Variants in JPH3 observed in about 807,000 individuals in gnomAD.
The protein encoded by JPH3 is junctophilin-3.
In JPH3, 11 loss-of-function variants were observed where a neutral mutation model predicts 59.6. That is an observed-to-expected ratio of 0.18 (90% confidence interval 0.12 to 0.31). JPH3 has a LOEUF of 0.31. Ranked by LOEUF, JPH3 falls within the 10% of genes least tolerant of loss-of-function variation. JPH3 has a pLI of 1.00. For missense variants in JPH3, 1,202 were observed against 1,105.7 expected (o/e 1.09, Z -1.24); for synonymous variants, 673 against 483.6 (o/e 1.39, Z -5.14).
Position 87,689,815 on chromosome 16 carries a change from G to T in JPH3, c.1455G>T (p.Ala485=), listed in dbSNP as rs1243684448. 1.9e-6 allele frequency: 3 copies of T among 1,577,690 alleles called. No individual in the cohort carries two copies. The highest frequency in any genetic ancestry group is 2.6e-6 in the Non-Finnish European group (3 of 1,162,440). Residue 485 remains alanine, a synonymous_variant, in exon 4 of 5, where the codon GCG becomes GCT. Transcript: ENST00000284262. ...TGCAGAGCTTCCCCACCAGCCCCGC[G>T]GCCACCCCGCCGCCCGCGCCCGCCG... ...SPLQSFPTSP[A]ATPPPAPAAR...
At chr16:87,610,319 A>G (rs541850674) in intron 1 of JPH3, among the ~76,000 whole-genome samples, 50 of 152,212 alleles carry the variant, frequency 3.3e-4, no homozygotes, top group Admixed American at 1.7e-3. Context: ...ACCTGGGACT[A>G]GTCGCCACCA....
At position 87,644,600 on chromosome 16, in the gene JPH3, G is replaced by A. The variant is rs1403180838; in HGVS notation, c.725G>A (p.Ser242Asn). Residue 242 changes from serine (S) to asparagine (N), a missense_variant, in exon 2 of 5, where the codon AGC becomes AAC. By Grantham distance (46) the Ser-to-Asn change is conservative. Coordinates refer to ENST00000284262, the MANE Select transcript of JPH3 (RefSeq NM_020655.4). ...CTGGCCAGCCAACGCAGCAAGCAGA[G>A]CTCCTTTCGCAGCGAGGCGGGCATG... ...SSLASQRSKQ[S>N]SFRSEAGMST... 1 of 1,612,842 alleles carries A rather than the reference G, an allele frequency of 6.2e-7. No homozygotes were observed. Among genetic ancestry groups the A allele is most frequent in the African/African-American group, 1.3e-5 (1 of 74,916 alleles).
intron 2 of JPH3, among the ~76,000 whole-genome samples, chr16:87,661,268 C>T (rs1220593169): frequency 6.6e-6 from 1 of 152,226 alleles, no homozygotes; most frequent in Non-Finnish European, 1.5e-5. Context: ...CCCAGATAAT[C>T]CAGGGTCATC....
intron 2 of JPH3, among the ~76,000 whole-genome samples, chr16:87,680,672 G>A (rs1254659889): frequency 1.3e-5 from 2 of 152,144 alleles, no homozygotes; most frequent in Non-Finnish European, 2.9e-5. Context: ...CCACAGGTGG[G>A]AGCCATAGGC....
chr16:87,663,193 C>G (rs1197563504), intron 2 of JPH3, among the ~76,000 whole-genome samples: 1 of 151,614 alleles, frequency 6.6e-6, no homozygotes. Flanking sequence ...ACTGCAACTT[C>G]CGCCTCCCAG....
intron 2 of JPH3, among the ~76,000 whole-genome samples, chr16:87,664,394 G>A (rs2032797943): frequency 6.6e-6 from 1 of 151,514 alleles, no homozygotes; most frequent in South Asian, 2.1e-4. Context: ...GGAGGCTGAG[G>A]TGGGTGGATC....
Position 87,698,062 on chromosome 16 carries a change from T to C in JPH3, c.*1402T>C, listed in dbSNP as rs1239448606. 6.6e-6 allele frequency: 1 copy of C among 152,668 alleles called. No individual in the cohort carries two copies. The highest frequency in any genetic ancestry group is 1.5e-5 in the Non-Finnish European group (1 of 68,052). The allele number at this position is 152,668 out of a possible 1,614,324, so 9.5% of individuals were successfully genotyped here. A position where few individuals can be genotyped will look rare whatever the true frequency, so the allele number is the denominator to read the frequency against. Reference sequence around the variant, plus strand: ...CTTTGCTTATGTTTAGCTGTTTCTCTGCTACCTTTCGAGCAGACTTCTTTA... The same window carrying C: ...CTTTGCTTATGTTTAGCTGTTTCTCCGCTACCTTTCGAGCAGACTTCTTTA... On this transcript the variant is annotated 3_prime_UTR_variant, in exon 5 of 5. Transcript: ENST00000284262.
chr16:87,660,173 G>C (rs965727527), intron 2 of JPH3, among the ~76,000 whole-genome samples: 44 of 152,332 alleles, frequency 2.9e-4, no homozygotes, highest in African/African-American at 1.1e-3. Context: ...GCAGTGCACA[G>C]GGACTAGCTG....
At chr16:87,615,541 G>A (rs2030924020) in intron 1 of JPH3, among the ~76,000 whole-genome samples, 1 of 152,188 alleles carries the variant, frequency 6.6e-6, no homozygotes, top group African/African-American at 2.4e-5. Context: ...GGGAAAGCAT[G>A]GCTCCCCCAT....
At chr16:87,629,326 T>C (rs2031486613) in intron 1 of JPH3, among the ~76,000 whole-genome samples, 1 of 152,178 alleles carries the variant, frequency 6.6e-6, no homozygotes, top group Admixed American at 6.5e-5. Context: ...ATGCAGGAGT[T>C]TTAGTAAAGA....
chr16:87,628,575 T>G (rs2031460376), intron 1 of JPH3, among the ~76,000 whole-genome samples: 1 of 152,214 alleles, frequency 6.6e-6, no homozygotes, highest in African/African-American at 2.4e-5. Context: ...GCTCAGACGC[T>G]TACCTGACGT....
chr16:87,648,510 G>A (rs946132199), intron 2 of JPH3, among the ~76,000 whole-genome samples: 2 of 152,186 alleles, frequency 1.3e-5, no homozygotes, highest in Non-Finnish European at 2.9e-5. Flanking sequence ...AGTGAGAAAC[G>A]GTTTGCGGTG....
chr16:87,684,850 G>A (rs1050639366), intron 3 of JPH3, among the ~76,000 whole-genome samples: 7 of 152,184 alleles, frequency 4.6e-5, no homozygotes, highest in African/African-American at 1.2e-4. Context: ...TGGGTGATAC[G>A]GCCCAGTGAC....
intron 1 of JPH3, among the ~76,000 whole-genome samples, chr16:87,631,981 C>G (rs539301203): frequency 1.3e-5 from 2 of 152,180 alleles, no homozygotes; most frequent in Non-Finnish European, 2.9e-5. Context: ...TTCTGATTCC[C>G]CCTCTTTTTT....
intron 2 of JPH3, among the ~76,000 whole-genome samples, chr16:87,657,361 G>T (rs2032537454): frequency 6.6e-6 from 1 of 152,172 alleles, no homozygotes; most frequent in Non-Finnish European, 1.5e-5. Context: ...AGATTCATGG[G>T]GACAGGGAGT....
At chr16:87,606,332 C>G (rs917577946) in intron 1 of JPH3, among the ~76,000 whole-genome samples, 90 of 152,272 alleles carry the variant, frequency 5.9e-4, no homozygotes, top group African/African-American at 2.1e-3. Context: ...ATGAATGATG[C>G]ACCAGCGGCC....
intron 1 of JPH3, among the ~76,000 whole-genome samples, chr16:87,616,239 T>TGTGTGTGTA (rs1491549852): frequency 9.4e-6 from 1 of 105,968 alleles, no homozygotes; most frequent in East Asian, 2.4e-4. Context: ...TGTGTGTGTA[T>TGTGTGTGTA]TTTTTTTTTT....
Position 87,634,800 on chromosome 16 carries a change from C to T in JPH3, c.383-9458C>T, listed in dbSNP as rs146154156. 3.7e-3 allele frequency among the ~76,000 whole-genome samples: 571 copies of T among 152,324 alleles called. 3 individuals carry two copies. Among genetic ancestry groups the T allele is most frequent in the African/African-American group, 0.013 (555 of 41,580 alleles). Reference sequence around the variant, plus strand: ...GGGCTTTGGGGTTGGGCCTCAGCCCCGAGTGGGCAGGCACAGCATGGGACT... The same window carrying T: ...GGGCTTTGGGGTTGGGCCTCAGCCCTGAGTGGGCAGGCACAGCATGGGACT... On this transcript the variant is annotated intron_variant, in intron 1 of 4. Transcript: ENST00000284262.
At chr16:87,678,551 A>AAT (rs148786453) in intron 2 of JPH3, among the ~76,000 whole-genome samples, 132 of 151,740 alleles carry the variant, frequency 8.7e-4, no homozygotes, top group African/African-American at 3.0e-3. Flanking sequence ...ACACACACAC[A>AAT]ATATATATAT....
Sources: gnomAD v4.1 joint callset for allele counts (sites outside exome capture counted in the v4.1 genomes callset) on GRCh38, gnomAD v4.1.1 for gene constraint, MANE v1.5 for transcripts, NCBI Gene and HGNC (gene_info 2026-07-23, HGNC 2026-07-21) for gene names.